The following LEF1 variants were observed in gnomAD, a reference collection of about 807,000 sequenced individuals.
LEF1 encodes the protein lymphoid enhancer binding factor 1, also known as lymphoid enhancer-binding factor 1.
LEF1 carries 14 observed loss-of-function variants against 51.2 expected under a neutral mutation model. The ratio of observed to expected loss-of-function variants is 0.27; its 90% CI spans 0.18 to 0.43. The LOEUF is 0.43. Ranked by LOEUF, LEF1 falls within the 20% of genes least tolerant of loss-of-function variation. LEF1 has a pLI of 1.00. For synonymous variants in LEF1, 185 were observed against 183.2 expected (o/e 1.01, Z -0.08); for missense variants, 386 against 512.0 (o/e 0.75, Z 2.37).
At chr4:108,129,983 T>C (rs1742769776) in intron 3 of LEF1, among the ~76,000 whole-genome samples, 1 of 152,196 alleles carries the variant, frequency 6.6e-6, no homozygotes, top group Non-Finnish European at 1.5e-5. Context: ...GTGTTATGAG[T>C]AACGATACTA....
rs992570985 is a variant in LEF1 at position 108,088,209 on chromosome 4, TCA to T, written c.547+914_547+915del. On this transcript the variant is annotated intron_variant, in intron 4 of 11. Transcript: ENST00000265165. ...CACCCAGCCTCTATGCCACTCTTTT[TCA>T]CACAGTCATTAAATTTTGTTGTCCA... Among the ~76,000 whole-genome samples, 33 of 152,336 alleles carry T rather than the reference TCA, an allele frequency of 2.2e-4. 1 individual carries two copies. In the South Asian group the frequency reaches 2.5e-3, roughly 11 times the overall value.
chr4:108,114,782 C>T (rs1006547346), intron 3 of LEF1, among the ~76,000 whole-genome samples: 1 of 152,208 alleles, frequency 6.6e-6, no homozygotes, highest in African/African-American at 2.4e-5. Flanking sequence ...GGTTACATCA[C>T]GTTGAAGTGT....
rs768584360 is a variant in LEF1 at position 108,167,538 on chromosome 4, G to A, written c.213+17C>T. On this transcript the variant is annotated intron_variant, in intron 1 of 11. Transcript: ENST00000265165. This position sits in a 1 kb window ranked among gnomAD's most constrained non-coding sequence, Gnocchi z 5.7. Reference sequence around the variant, plus strand: ...GACCCGCCACGCCTCTCGGAACTGGGGCAGCGGCCCGCTCACCTCGTGTCC... The same window carrying A: ...GACCCGCCACGCCTCTCGGAACTGGAGCAGCGGCCCGCTCACCTCGTGTCC... The A allele has an allele frequency of 6.2e-7, 1 of 1,612,994 alleles. No homozygotes were observed. Among genetic ancestry groups the A allele is most frequent in the South Asian group, 1.1e-5 (1 of 91,024 alleles).
intron 3 of LEF1, among the ~76,000 whole-genome samples, chr4:108,102,996 C>T (rs1462697355): frequency 6.6e-6 from 1 of 152,176 alleles, no homozygotes; most frequent in Non-Finnish European, 1.5e-5. Flanking sequence ...TCAGCAAAGT[C>T]CAAAAGCAGT....
intron 11 of LEF1, among the ~76,000 whole-genome samples, chr4:108,050,025 A>G (rs899748658): frequency 1.1e-4 from 17 of 152,342 alleles, no homozygotes; most frequent in African/African-American, 3.4e-4. Flanking sequence ...TATTATTCCA[A>G]TTATGCCCAA....
chr4:108,096,580 T>C (rs1740410175), intron 3 of LEF1, among the ~76,000 whole-genome samples: 1 of 151,952 alleles, frequency 6.6e-6, no homozygotes, highest in Admixed American at 6.6e-5. Flanking sequence ...CCAAAGCAAA[T>C]GGACAAATGG....
At chr4:108,141,986 T>G (rs900737864) in intron 3 of LEF1, among the ~76,000 whole-genome samples, 2 of 152,178 alleles carry the variant, frequency 1.3e-5, no homozygotes, top group African/African-American at 4.8e-5. Flanking sequence ...AACCATGTTT[T>G]TCATATGGAA....
chr4:108,079,101 C>G (rs180676846), intron 7 of LEF1, among the ~76,000 whole-genome samples: 8 of 152,306 alleles, frequency 5.3e-5, no homozygotes, highest in Admixed American at 3.3e-4. Flanking sequence ...GCCAGGGTAA[C>G]TGCACTTCCA....
chr4:108,106,770 C>T (rs1190672246), intron 3 of LEF1, among the ~76,000 whole-genome samples: 1 of 152,192 alleles, frequency 6.6e-6, no homozygotes, highest in Non-Finnish European at 1.5e-5. Context: ...TTCCAAAACC[C>T]AGTCAAGTTG....
intron 3 of LEF1, among the ~76,000 whole-genome samples, chr4:108,143,004 G>T (rs1743768454): frequency 6.6e-6 from 1 of 152,188 alleles, no homozygotes; most frequent in Admixed American, 6.5e-5. Context: ...TGACATAGGA[G>T]AAATGACTAT....
At chr4:108,096,611 C>T (rs1394217723) in intron 3 of LEF1, among the ~76,000 whole-genome samples, 4 of 152,062 alleles carry the variant, frequency 2.6e-5, no homozygotes, top group Admixed American at 2.6e-4. Flanking sequence ...AGTTAAAAAG[C>T]TTCTGGAGAG....
rs1442283587 is a variant in LEF1 at position 108,083,410 on chromosome 4, G to A, written c.584C>T (p.Thr195Ile). 2 of 1,613,786 alleles carry A rather than the reference G, an allele frequency of 1.2e-6. No homozygotes were observed. Among genetic ancestry groups the A allele is most frequent in the Non-Finnish European group, 8.5e-7 (1 of 1,179,736 alleles). ...ACCACCCGGAGACAAGGGATAAAAA[G>A]TAGGGATATCAGGAGCTGGAGGATG... is the stretch of plus-strand genomic sequence containing the variant. The part of the protein sequence containing the change: ...SRHPPAPDIP[T>I]FYPLSPGGVG... Residue 195 changes from threonine to isoleucine, a missense_variant, in exon 5 of 12, where the codon ACT becomes ATT. Transcript: ENST00000265165.
intron 8 of LEF1, among the ~76,000 whole-genome samples, chr4:108,074,389 T>A (rs2126280150): frequency 6.6e-6 from 1 of 152,336 alleles, no homozygotes; most frequent in African/African-American, 2.4e-5. Context: ...ATGGATTTCC[T>A]TTAATAGCCA....
At chr4:108,135,775 G>A (rs542360518) in intron 3 of LEF1, among the ~76,000 whole-genome samples, 2 of 152,296 alleles carry the variant, frequency 1.3e-5, no homozygotes, top group South Asian at 2.1e-4. Flanking sequence ...GCCATATAGT[G>A]TAGGTAATTA....
At chr4:108,125,307 G>A (rs1320077861) in intron 3 of LEF1, among the ~76,000 whole-genome samples, 1 of 152,032 alleles carries the variant, frequency 6.6e-6, no homozygotes, top group Non-Finnish European at 1.5e-5. Flanking sequence ...GGGATTATAG[G>A]CACCCACCGC....
chr4:108,087,583 TGA>T (rs1739733668), intron 4 of LEF1, among the ~76,000 whole-genome samples: 1 of 152,184 alleles, frequency 6.6e-6, no homozygotes, highest in African/African-American at 2.4e-5. Context: ...CTATTATTCT[TGA>T]GAGAAAAACT....
intron 1 of LEF1, 101 bp from the exon 2 acceptor site, chr4:108,165,264 G>T: frequency 9.5e-7 from 1 of 1,054,804 alleles, no homozygotes; most frequent in South Asian, 1.3e-5. Context: ...AAAGGAAGAG[G>T]TTTAGGGGCA....
intron 3 of LEF1, among the ~76,000 whole-genome samples, chr4:108,157,184 A>AC (rs1264044538): frequency 5.6e-5 from 8 of 142,442 alleles, no homozygotes; most frequent in African/African-American, 2.3e-4. Flanking sequence ...ATATATACAC[A>AC]CACACACACA....
intron 6 of LEF1, among the ~76,000 whole-genome samples, chr4:108,079,935 G>A (rs1739176999): frequency 6.6e-6 from 1 of 152,142 alleles, no homozygotes; most frequent in Non-Finnish European, 1.5e-5. Context: ...AACACATCAT[G>A]TTTTAAAATC....
Sources: allele counts gnomAD v4.1 joint callset (sites outside exome capture counted in the v4.1 genomes callset), GRCh38; gene constraint gnomAD v4.1.1; non-coding constraint Gnocchi (gnomAD v3.1); transcripts MANE v1.5; gene names NCBI Gene and HGNC (gene_info 2026-07-23, HGNC 2026-07-21).